Variants in SLC2A11 observed in about 807,000 individuals in gnomAD.
SLC2A11 encodes the protein solute carrier family 2 member 11, also known as solute carrier family 2, facilitated glucose transporter member 11.
Under a neutral mutation model 52.1 loss-of-function variants are expected in SLC2A11, and 43 were observed. The ratio of observed to expected loss-of-function variants is 0.82; its 90% CI spans 0.65 to 1.06. The LOEUF is 1.06. Ranked by LOEUF, SLC2A11 falls within the 50% of genes least tolerant of loss-of-function variation. The probability of loss-of-function intolerance (pLI) is 0.00; values close to 1 mark genes in which losing one functional copy is unlikely to be tolerated. For synonymous variants in SLC2A11, 261 were observed against 277.6 expected (o/e 0.94, Z 0.59); for missense variants, 582 against 654.2 (o/e 0.89, Z 1.20).
intron 5 of SLC2A11, 199 bp from the exon 6 acceptor site, chr22:23,877,522 G>C: frequency 1.3e-6 from 1 of 789,778 alleles, no homozygotes; most frequent in South Asian, 1.5e-5. Flanking sequence ...TGCTAGGGAT[G>C]AGGTGGGGCA....
chr22:23,877,999 C>T (rs1417962701), intron 6 of SLC2A11, 130 bp downstream of exon 6: 1 of 1,139,312 alleles, frequency 8.8e-7, no homozygotes, highest in Non-Finnish European at 1.2e-6. Flanking sequence ...GCCTCAATTT[C>T]ATGATCTGCC....
intron 4 of SLC2A11, 38 bp downstream of exon 4, chr22:23,875,279 C>T (rs1490167552): frequency 7.4e-7 from 1 of 1,350,674 alleles, no homozygotes; most frequent in African/African-American, 1.5e-5. Flanking sequence ...CTCTCTATGC[C>T]TATTAATTAA....
chr22:23,882,085 GAC>G (rs1381222151), intron 6 of SLC2A11: 1 of 304,140 alleles, frequency 3.3e-6, no homozygotes, highest in Non-Finnish European at 6.0e-6. Context: ...CACACACAGA[GAC>G]ACACACAGAG....
chr22:23,882,081 C>G (rs55975719), intron 6 of SLC2A11: 29,597 of 283,594 alleles, frequency 0.1, 3,813 homozygotes, highest in Admixed American at 0.16. Flanking sequence ...CACACACACA[C>G]AGAGACACAC....
chr22:23,862,707 T>C (rs1306348526), intron 2 of SLC2A11, among the ~76,000 whole-genome samples: 1 of 151,884 alleles, frequency 6.6e-6, no homozygotes, highest in African/African-American at 2.4e-5. Flanking sequence ...CACCACAACC[T>C]CCGCCTACCA....
chr22:23,865,851 A>G lies in SLC2A11; in HGVS notation c.130-2630A>G, dbSNP rs2146112450. On this transcript the variant is annotated intron_variant, in intron 2 of 11. Coordinates refer to ENST00000316185, the MANE Select transcript of SLC2A11 (RefSeq NM_001024939.4). ...AGGCAGAGATGAACACAGAAGTCCA[A>G]AAGTTGAGACCTAGTTGAAAAAGAG... 1.3e-5 allele frequency: 2 copies of G among 152,378 alleles called. 1 individual carries two copies. The highest frequency in any genetic ancestry group is 3.9e-4 in the East Asian group (2 of 5,190). The allele number at this position is 152,378 out of a possible 1,614,324, so 9.4% of individuals were successfully genotyped here.
At chr22:23,865,573 A>T (rs2032234131) in intron 2 of SLC2A11, 1 of 152,318 alleles carries the variant, frequency 6.6e-6, no homozygotes, top group Admixed American at 6.5e-5. Flanking sequence ...AGCAATGGGC[A>T]AGTGAGAACT....
At chr22:23,863,882 C>T (rs573628911) in intron 2 of SLC2A11, among the ~76,000 whole-genome samples, 3 of 152,092 alleles carry the variant, frequency 2.0e-5, no homozygotes, top group South Asian at 2.1e-4. Flanking sequence ...CCGCCCACCT[C>T]GGCCTCTTGA....
At chr22:23,861,067 A>G (rs1177860907) in intron 1 of SLC2A11, among the ~76,000 whole-genome samples, 1 of 151,696 alleles carries the variant, frequency 6.6e-6, no homozygotes, top group Admixed American at 6.6e-5. Flanking sequence ...GGATGGTCTC[A>G]ATCTCCTGAC....
At chr22:23,867,805 A>C (rs566807151) in intron 2 of SLC2A11, 9 of 469,080 alleles carry the variant, frequency 1.9e-5, no homozygotes, top group Admixed American at 1.9e-4. Flanking sequence ...GGGGACATGG[A>C]AGCCTCTAGC....
At chr22:23,865,994 A>C (rs1480774958) in intron 2 of SLC2A11, 1 of 152,196 alleles carries the variant, frequency 6.6e-6, no homozygotes, top group African/African-American at 2.4e-5. Context: ...AGTGAGACCC[A>C]GTATCTACAA....
intron 1 of SLC2A11, chr22:23,858,282 C>G: frequency 1.5e-6 from 1 of 646,878 alleles, no homozygotes; most frequent in Non-Finnish European, 2.9e-6. Flanking sequence ...GATGCTAAAT[C>G]CTCTGCCGAT....
At position 23,882,101 on chromosome 22, in the gene SLC2A11, G is replaced by C. The variant is rs1189466236; in HGVS notation, c.695-358G>C. ...ACACACAGAGACACACACAGAGACA[G>C]AGAGATTGAGAAAGACAGGCAGAGA... On this transcript the variant is annotated intron_variant, in intron 6 of 11. Transcript: ENST00000316185. 6 of 370,592 alleles carry C rather than the reference G, an allele frequency of 1.6e-5. No homozygotes were observed. The East Asian group carries it at 3.0e-4, about 19-fold the overall frequency. 23.0% of individuals were successfully genotyped at this position (370,592 alleles called of 1,614,324 possible).
intron 4 of SLC2A11, among the ~76,000 whole-genome samples, 172 bp downstream of exon 4, chr22:23,875,413 C>G (rs2032586937): frequency 1.3e-5 from 2 of 152,058 alleles, no homozygotes; most frequent in African/African-American, 4.8e-5. Flanking sequence ...TTAAAGGGCT[C>G]ATATAACTAG....
rs770409649 is a variant in SLC2A11, at chr22:23,884,655, T to G, written c.1306T>G (p.Leu436Val). Residue 436 changes from leucine (L) to valine (V), a missense_variant, in exon 12 of 12, where the codon TTG (leucine) becomes GTG (valine). Leu to Val is a conservative substitution (Grantham distance 32). Transcript: ENST00000316185. This position sits in a 1 kb window ranked among gnomAD's most constrained non-coding sequence, Gnocchi z 4.3. ...GLGFPFIMEA[L>V]SHFLYVPFLG... is the part of the protein sequence containing the mutation. ...GGTCTTTTTTAATCCGCAGGAGGCC[T>G]TGTCCCACTTCCTCTATGTCCCTTT... 6.2e-7 allele frequency: 1 copy of G among 1,612,904 alleles called. No homozygotes were observed.
chr22:23,870,269 A>T, intron 3 of SLC2A11: 1 of 542,264 alleles, frequency 1.8e-6, no homozygotes, highest in Non-Finnish European at 3.2e-6. Flanking sequence ...GGAAGAAATT[A>T]AAAATTCAAG....
At chr22:23,857,729 A>G, upstream of SLC2A11, 2 of 1,260,026 alleles carry the variant, frequency 1.6e-6, no homozygotes, top group Non-Finnish European at 1.1e-6. Context: ...CCTGAGCTTG[A>G]GTCTCAGGCC....
At chr22:23,863,395 A>G (rs144448791) in intron 2 of SLC2A11, among the ~76,000 whole-genome samples, 1,725 of 152,228 alleles carry the variant, frequency 0.011, 16 homozygotes, top group Non-Finnish European at 0.015. Flanking sequence ...GGCCCGAGCC[A>G]ATGTTCTGTG....
Position 23,882,442 on chromosome 22 carries a change from C to A in SLC2A11, c.695-17C>A. 1 of 1,517,330 alleles carries A rather than the reference C, an allele frequency of 6.6e-7. No homozygotes were observed. 94.0% of individuals were successfully genotyped at this position (1,517,330 alleles called of 1,614,324 possible). A position where few individuals can be genotyped will look rare whatever the true frequency, so the allele number is the denominator to read the frequency against. Reference sequence around the variant, plus strand: ...GGCTTGGGGACGGGGAGCTCAGTACCCTCCTCCCTGGCTCAGCACTACGGC... The same window carrying A: ...GGCTTGGGGACGGGGAGCTCAGTACACTCCTCCCTGGCTCAGCACTACGGC... On this transcript the variant is annotated splice_polypyrimidine_tract_variant and intron_variant, in intron 6 of 11. Transcript: ENST00000316185.
Sources: gnomAD v4.1 joint callset for allele counts (sites outside exome capture counted in the v4.1 genomes callset) on GRCh38, gnomAD v4.1.1 for gene constraint, Gnocchi (gnomAD v3.1) non-coding constraint, MANE v1.5 for transcripts, NCBI Gene and HGNC (gene_info 2026-07-23, HGNC 2026-07-21) for gene names.